The following POLR3B variants were observed in gnomAD, a reference collection of about 807,000 sequenced individuals.
POLR3B encodes the protein RNA polymerase III subunit B.
Under a neutral mutation model 147.4 loss-of-function variants are expected in POLR3B, and 96 were observed. The ratio of observed to expected loss-of-function variants is 0.65; its 90% CI spans 0.55 to 0.77. POLR3B has a LOEUF of 0.77. POLR3B is among the 30% of genes least tolerant of loss of function. POLR3B has a pLI of 0.00. For missense variants in POLR3B, 1,036 were observed against 1,413.5 expected (o/e 0.73, Z 4.28); for synonymous variants, 461 against 485.9 (o/e 0.95, Z 0.67).
chr12:106,489,669 G>C lies in POLR3B; in HGVS notation c.2714-6386G>C, dbSNP rs1248627279. Reference sequence around the variant, plus strand: ...AAAGTTTATCTGTTAAACAAGGTTTGGTTTTGCTAGACCTTCATTTGTTAG... The same window carrying C: ...AAAGTTTATCTGTTAAACAAGGTTTCGTTTTGCTAGACCTTCATTTGTTAG... On this transcript the variant is annotated intron_variant, in intron 23 of 27. Coordinates refer to ENST00000228347, the MANE Select transcript of POLR3B (RefSeq NM_018082.6). Among the ~76,000 whole-genome samples the C allele has an allele frequency of 3.3e-5, 5 of 152,104 alleles. No homozygotes were observed. In the East Asian group the frequency reaches 9.6e-4, roughly 29 times the overall value.
rs762195295 is a variant in POLR3B, at chr12:106,454,591, A to G, written c.2173A>G (p.Ile725Val). 8.7e-6 allele frequency: 14 copies of G among 1,608,692 alleles called. No homozygotes were observed. The South Asian group carries it at 1.1e-4, about 13-fold the overall frequency. Reference protein sequence around the residue: ...PQKPMVKTKTIELIEFEKLPA... With the variant: ...PQKPMVKTKTVELIEFEKLPA... Reference sequence around the variant, plus strand: ...AAAACCCATGGTTAAGACAAAAACCATTGAATTGATAGAATTTGAGAAACT... The same window carrying G: ...AAAACCCATGGTTAAGACAAAAACCGTTGAATTGATAGAATTTGAGAAACT... The change falls in exon 20 of 28, where the codon ATT becomes GTT. Residue 725 changes from isoleucine (I) to valine (V), a missense_variant. This residue lies in a region of POLR3B where 202 missense variants were observed against 272.8 expected (regional missense o/e 0.74). Transcript: ENST00000228347.
chr12:106,456,324 T>G (rs1592751937), intron 20 of POLR3B, among the ~76,000 whole-genome samples: 1 of 152,186 alleles, frequency 6.6e-6, no homozygotes, highest in East Asian at 1.9e-4. Flanking sequence ...CTTATTTTTC[T>G]TCCTTTTCTT....
Position 106,504,097 on chromosome 12 carries a change from C to A in POLR3B, c.3115C>A (p.Arg1039=), listed in dbSNP as rs1400083547. 2 of 1,613,794 alleles carry A rather than the reference C, an allele frequency of 1.2e-6. No homozygotes were observed. Among genetic ancestry groups the A allele is most frequent in the African/African-American group, 2.7e-5 (2 of 74,890 alleles). ...AVLTRQPTEG[R]SRDGGLRLGE... is the part of the protein sequence containing the mutation. ...GTTTCAAAGGCAACCCACTGAAGGA[C>A]GGTCTCGTGATGGTGGCTTGCGTCT... Residue 1039 remains arginine, a synonymous_variant, in exon 27 of 28, where the codon CGG becomes AGG. Coordinates refer to ENST00000228347, the MANE Select transcript of POLR3B (RefSeq NM_018082.6). This position sits in a 1 kb window ranked among gnomAD's most constrained non-coding sequence, Gnocchi z 4.6.
rs780288996 is a variant in POLR3B, at chr12:106,415,477, T to TA, written c.1101+4520dup. ...GAGGATGCCAAGTTTCCTTAATAACTAAAGATATGGTAACTTAGGGATATG... is the reference window on the plus strand; with the variant it reads ...GAGGATGCCAAGTTTCCTTAATAACTAAAAGATATGGTAACTTAGGGATATG... On this transcript the variant is annotated intron_variant, in intron 12 of 27. Transcript: ENST00000228347. 6.6e-5 allele frequency among the ~76,000 whole-genome samples: 10 copies of TA among 152,296 alleles called. 1 individual carries two copies. Among genetic ancestry groups the TA allele is most frequent in the African/African-American group, 9.6e-5 (4 of 41,574 alleles).
chr12:106,366,694 A>G lies in POLR3B; in HGVS notation c.199A>G (p.Ser67Gly). The change falls in exon 4 of 28, where the codon AGT becomes GGT. Residue 67 changes from serine to glycine, a missense_variant. Physicochemically the swap from Ser to Gly is moderately conservative, Grantham distance 56 (BLOSUM62 0). Coordinates refer to ENST00000228347, the MANE Select transcript of POLR3B (RefSeq NM_018082.6). Reference sequence around the variant, plus strand: ...AATGAAAGCCAATGAAAAGGTTACAAGTGACGCTGACCCTATGTGGTACTT... The same window carrying G: ...AATGAAAGCCAATGAAAAGGTTACAGGTGACGCTGACCCTATGTGGTACTT... ...KIMKANEKVT[S>G]DADPMWYLKY... 6.2e-7 allele frequency: 1 copy of G among 1,613,738 alleles called. No homozygotes were observed. The highest frequency in any genetic ancestry group is 8.5e-7 in the Non-Finnish European group (1 of 1,179,636).
chr12:106,497,067 C>T (rs752920280), intron 25 of POLR3B, 149 bp downstream of exon 25: 46 of 696,248 alleles, frequency 6.6e-5, no homozygotes, highest in Non-Finnish European at 1.0e-4. Flanking sequence ...GCTTCGAATG[C>T]GGTCTGACAC....
intron 23 of POLR3B, among the ~76,000 whole-genome samples, chr12:106,472,924 A>G (rs2038114317): frequency 7.2e-6 from 1 of 137,984 alleles, no homozygotes; most frequent in South Asian, 2.3e-4. Context: ...TGTTTTGGAC[A>G]TGAAGTCCCT....
chr12:106,487,849 C>G (rs902215935), intron 23 of POLR3B, among the ~76,000 whole-genome samples: 1 of 152,082 alleles, frequency 6.6e-6, no homozygotes, highest in Non-Finnish European at 1.5e-5. Context: ...GGGCAGAATG[C>G]GTGGGTCAGC....
chr12:106,463,472 C>T lies in POLR3B; in HGVS notation c.2571-6C>T, dbSNP rs762574344. 2 of 1,612,938 alleles carry T rather than the reference C, an allele frequency of 1.2e-6. No homozygotes were observed. Among genetic ancestry groups the T allele is most frequent in the Admixed American group, 1.7e-5 (1 of 59,992 alleles). On this transcript the variant is annotated splice_polypyrimidine_tract_variant and splice_region_variant and intron_variant, in intron 22 of 27. Coordinates refer to ENST00000228347, the MANE Select transcript of POLR3B (RefSeq NM_018082.6). ...CTCTGTTTTAGTGACTTTCTCTTAA[C>T]ACCAGCTACAAAGGAGCAACAGACT...
chr12:106,496,351 G>T, intron 24 of POLR3B, 193 bp downstream of exon 24: 1 of 684,870 alleles, frequency 1.5e-6, no homozygotes, highest in Non-Finnish European at 2.7e-6. Flanking sequence ...AAAGAATGAG[G>T]AGCACATCTA....
Position 106,433,834 on chromosome 12 carries a change from A to G in POLR3B, c.1743A>G (p.Arg581=), listed in dbSNP as rs537703445. The G allele has an allele frequency of 7.4e-6, 12 of 1,613,678 alleles. No individual in the cohort carries two copies. The East Asian group carries it at 1.6e-4, about 21-fold the overall frequency. ...CCATCTCAACAAATCTTACAGATCG[A>G]TGTGTCTATATTTCTTCTGATGGGG... ...FVSISTNLTD[R]CVYISSDGGR... Residue 581 remains arginine (R), a synonymous_variant, in exon 16 of 28, where the codon CGA becomes CGG. Transcript: ENST00000228347.
intron 23 of POLR3B, among the ~76,000 whole-genome samples, chr12:106,468,885 T>C (rs997064005): frequency 6.6e-6 from 1 of 152,176 alleles, no homozygotes; most frequent in Non-Finnish European, 1.5e-5. Flanking sequence ...TTAGAATAAG[T>C]GCGATGTGGT....
intron 1 of POLR3B, among the ~76,000 whole-genome samples, chr12:106,361,857 A>G (rs1053809977): frequency 1.1e-4 from 16 of 152,220 alleles, no homozygotes; most frequent in Non-Finnish European, 2.1e-4. Context: ...AGAGTGTTAT[A>G]AGACAGTGAT....
chr12:106,506,066 A>G (rs1012699392), intron 27 of POLR3B, among the ~76,000 whole-genome samples: 1 of 152,192 alleles, frequency 6.6e-6, no homozygotes, highest in Admixed American at 6.5e-5. Flanking sequence ...CAGAGGTGAC[A>G]TGATTCCAAG....
chr12:106,475,620 A>G (rs995946906), intron 23 of POLR3B, among the ~76,000 whole-genome samples: 2 of 135,428 alleles, frequency 1.5e-5, no homozygotes, highest in Non-Finnish European at 3.1e-5. Context: ...CCATTATGTA[A>G]TGGCCTTCTT....
intron 1 of POLR3B, chr12:106,358,325 T>G (rs1413855067): frequency 9.9e-7 from 1 of 1,010,912 alleles, no homozygotes; most frequent in Non-Finnish European, 1.3e-6. Flanking sequence ...GCCATTTGCA[T>G]GAGGCACCAC....
At chr12:106,437,554 T>G (rs1000672781) in intron 17 of POLR3B, 127 bp from the exon 18 acceptor site, 1 of 688,818 alleles carries the variant, frequency 1.5e-6, no homozygotes. Context: ...GGTATCCCAA[T>G]GTAATGATAT....
At chr12:106,401,377 A>G (rs1487774835) in intron 10 of POLR3B, among the ~76,000 whole-genome samples, 1 of 151,680 alleles carries the variant, frequency 6.6e-6, no homozygotes, top group Non-Finnish European at 1.5e-5. Context: ...GGATTCTACC[A>G]GAGGTACAAG....
Position 106,410,899 on chromosome 12 carries a change from G to A in POLR3B, c.1040G>A (p.Gly347Glu). Residue 347 changes from glycine (G) to glutamate (E), a missense_variant, in exon 12 of 28, where the codon GGA (glycine) becomes GAA (glutamate). Physicochemically the swap from Gly to Glu is moderately conservative, Grantham distance 98. Coordinates refer to ENST00000228347, the MANE Select transcript of POLR3B (RefSeq NM_018082.6). ...GTGCGAAGAGTTATTCTGGCCCAAG[G>A]AGATAATAAAGTTGACGACAGAGAT... ...VMVRRVILAQ[G>E]DNKVDDRDYY... is the part of the protein sequence containing the mutation. 6.2e-7 allele frequency: 1 copy of A among 1,613,698 alleles called. No homozygotes were observed. The highest frequency in any genetic ancestry group is 1.3e-5 in the African/African-American group (1 of 75,036).
Sources: allele counts gnomAD v4.1 joint callset (sites outside exome capture counted in the v4.1 genomes callset), GRCh38; gene constraint gnomAD v4.1.1; regional missense constraint gnomAD v4.1.1; non-coding constraint Gnocchi (gnomAD v3.1); transcripts MANE v1.5; gene names NCBI Gene and HGNC (gene_info 2026-07-23, HGNC 2026-07-21).